Variants in KIF19 observed in about 807,000 individuals in gnomAD.
The protein encoded by KIF19 is kinesin-like protein KIF19.
In KIF19, 98 loss-of-function variants were observed where a neutral mutation model predicts 106.6. That is an observed-to-expected ratio of 0.92 (90% CI 0.78 to 1.09). The LOEUF is 1.09. KIF19 is among the 50% of genes least tolerant of loss of function. The probability of loss-of-function intolerance (pLI) is 0.00; values close to 1 mark genes in which losing one functional copy is unlikely to be tolerated. For missense variants in KIF19, 1,373 were observed against 1,414.3 expected (o/e 0.97, Z 0.47); for synonymous variants, 516 against 584.2 (o/e 0.88, Z 1.68).
rs374452365 is a variant in KIF19 at position 74,350,502 on chromosome 17, C to T, written c.1315C>T (p.Arg439Cys). 32 of 1,612,424 alleles carry T rather than the reference C, an allele frequency of 2.0e-5. No individual in the cohort carries two copies. Among genetic ancestry groups the T allele is most frequent in the East Asian group, 1.1e-4 (5 of 44,870 alleles). Residue 439 changes from arginine to cysteine, a missense_variant, in exon 11 of 20, where the codon CGC becomes TGC. Transcript: ENST00000389916. ...AFQEQMDVRR[R>C]LLELENRAME... ...CCAGGAGCAGATGGATGTGCGGAGG[C>T]GCCTGCTGGAGCTGGAGAACCGCGC...
intron 14 of KIF19, 142 bp from the exon 15 acceptor site, chr17:74,352,679 G>A: frequency 9.7e-7 from 1 of 1,031,326 alleles, no homozygotes; most frequent in Non-Finnish European, 1.4e-6. Context: ...TAACCCCGAG[G>A]ACCCAAACAC....
In KIF19 at chr17:74,340,545, A is replaced by ATG. The variant is rs1405769393; in HGVS notation, c.121-1330_121-1329dup. Among the ~76,000 whole-genome samples the ATG allele has an allele frequency of 6.6e-5, 8 of 120,886 alleles. No individual in the cohort carries two copies. In the East Asian group the frequency reaches 1.7e-3, roughly 26 times the overall value. The allele number at this position is 120,886 out of a possible 152,430, so 79.3% of individuals were successfully genotyped here. ...TGTCTCAACACACGTGCCAGCAGGTATGCGCGCGCGTACACACACACACAC... is the reference window on the plus strand; with the variant it reads ...TGTCTCAACACACGTGCCAGCAGGTATGTGCGCGCGCGTACACACACACACAC... On this transcript the variant is annotated intron_variant, in intron 2 of 19. Transcript: ENST00000389916.
At chr17:74,339,504 C>T (rs1244470844) in intron 2 of KIF19, among the ~76,000 whole-genome samples, 6 of 150,812 alleles carry the variant, frequency 4.0e-5, no homozygotes, top group African/African-American at 1.5e-4. Flanking sequence ...TCCCTACCTC[C>T]CTCGCCCCCT....
Position 74,349,336 on chromosome 17 carries a change from C to G in KIF19, c.1200C>G (p.Ile400Met). The G allele has an allele frequency of 6.2e-7, 1 of 1,602,030 alleles. No individual in the cohort carries two copies. The highest frequency in any genetic ancestry group is 8.5e-7 in the Non-Finnish European group (1 of 1,174,598). Residue 400 changes from isoleucine to methionine, a missense_variant, in exon 10 of 20, where the codon ATC becomes ATG. By Grantham distance (10) the Ile-to-Met change is conservative. Coordinates refer to ENST00000389916, the MANE Select transcript of KIF19 (RefSeq NM_153209.4). Reference sequence around the variant, plus strand: ...GGGGCCGGCAGGATCGGGGTGACATCCGCCACATCCAAGGTGCGCCTGTGG... The same window carrying G: ...GGGGCCGGCAGGATCGGGGTGACATGCGCCACATCCAAGGTGCGCCTGTGG... ...QARGRQDRGD[I>M]RHIQAEVQLH... is the part of the protein sequence containing the mutation.
intron 1 of KIF19, 54 bp downstream of exon 1, chr17:74,326,442 G>A (rs1016958529): frequency 1.9e-6 from 3 of 1,566,816 alleles, no homozygotes; most frequent in Admixed American, 1.7e-5. Flanking sequence ...TACTTCAGTC[G>A]GCCTCCAGCG....
chr17:74,343,408 A>T (rs979094306), intron 5 of KIF19, among the ~76,000 whole-genome samples: 5 of 152,098 alleles, frequency 3.3e-5, no homozygotes, highest in Admixed American at 1.3e-4. Context: ...TGCCACGCTC[A>T]CCACCTCACC....
intron 2 of KIF19, among the ~76,000 whole-genome samples, chr17:74,332,111 G>T (rs1175751455): frequency 2.0e-5 from 3 of 151,790 alleles, no homozygotes; most frequent in African/African-American, 7.3e-5. Context: ...ACAAAACCTG[G>T]CCCTTGAGCC....
chr17:74,336,520 C>T (rs2054223542), intron 2 of KIF19, among the ~76,000 whole-genome samples: 2 of 152,204 alleles, frequency 1.3e-5, no homozygotes, highest in Admixed American at 6.5e-5. Context: ...CAACTGATTA[C>T]ACCTGCAACA....
chr17:74,344,691 C>A (rs113296978), intron 6 of KIF19, 70 bp from the exon 7 acceptor site: 15 of 1,483,298 alleles, frequency 1.0e-5, no homozygotes, highest in Middle Eastern at 1.8e-4. Flanking sequence ...TGCTAGCCCC[C>A]TCAGGGGCTC....
chr17:74,336,882 G>T (rs1305934128), intron 2 of KIF19, among the ~76,000 whole-genome samples: 1 of 152,140 alleles, frequency 6.6e-6, no homozygotes, highest in Non-Finnish European at 1.5e-5. Context: ...CTGGAGTGTG[G>T]TGGCACAATC....
At chr17:74,332,205 TGTGTTTGTGTGTGTGTGTGTG>T (rs2054107830) in intron 2 of KIF19, among the ~76,000 whole-genome samples, 2 of 54,620 alleles carry the variant, frequency 3.7e-5, no homozygotes, top group Non-Finnish European at 6.6e-5. Flanking sequence ...TGTGTGTGTG[TGTGTTTGTGTGTGTGTGTGTG>T]TGTGTGTGTG....
chr17:74,333,255 G>A (rs980199225), intron 2 of KIF19, among the ~76,000 whole-genome samples: 3 of 152,094 alleles, frequency 2.0e-5, no homozygotes, highest in African/African-American at 7.2e-5. Context: ...ACCTGCCTGT[G>A]TCCCCAGCCC....
chr17:74,337,891 G>A (rs2054261392), intron 2 of KIF19, among the ~76,000 whole-genome samples: 1 of 152,232 alleles, frequency 6.6e-6, no homozygotes, highest in African/African-American at 2.4e-5. Context: ...GCTCCATTGT[G>A]TGCTAGAGGG....
rs896300602 is a variant in KIF19 at position 74,349,101 on chromosome 17, G to A, written c.1048-83G>A. 1.0e-5 allele frequency: 15 copies of A among 1,442,582 alleles called. No homozygotes were observed. In the East Asian group the frequency reaches 3.2e-4, roughly 31 times the overall value. 89.4% of individuals were successfully genotyped at this position (1,442,582 alleles called of 1,614,324 possible). On this transcript the variant is annotated intron_variant, in intron 9 of 19. Coordinates refer to ENST00000389916, the MANE Select transcript of KIF19 (RefSeq NM_153209.4). Reference sequence around the variant, plus strand: ...ACCCAGAAAGACTGGGGGAGGCAGGGGGAAGAAAGGCCCTGCAGGCAGGCC... The same window carrying A: ...ACCCAGAAAGACTGGGGGAGGCAGGAGGAAGAAAGGCCCTGCAGGCAGGCC...
At position 74,354,351 on chromosome 17, in the gene KIF19, C is replaced by A; in HGVS notation, c.2498C>A (p.Pro833His). 1 of 1,605,896 alleles carries A rather than the reference C, an allele frequency of 6.2e-7. No individual in the cohort carries two copies. Among genetic ancestry groups the A allele is most frequent in the African/African-American group, 1.3e-5 (1 of 74,890 alleles). ...GGCCCACTGGCCTGCAAGCGGCCGCCCAGCCCCACACTACAGCATGCTGCC... is the reference window on the plus strand; with the variant it reads ...GGCCCACTGGCCTGCAAGCGGCCGCACAGCCCCACACTACAGCATGCTGCC... ...PPGPLACKRP[P>H]SPTLQHAASE... The change falls in exon 18 of 20, where the codon CCC (proline) becomes CAC (histidine). Residue 833 changes from proline to histidine, a missense_variant. Physicochemically the swap from Pro to His is moderately conservative, Grantham distance 77. Coordinates refer to ENST00000389916, the MANE Select transcript of KIF19 (RefSeq NM_153209.4).
intron 2 of KIF19, among the ~76,000 whole-genome samples, chr17:74,330,506 C>T (rs1567895966): frequency 6.6e-6 from 1 of 152,226 alleles, no homozygotes; most frequent in Non-Finnish European, 1.5e-5. Context: ...GGCAAAGCCA[C>T]TCTGTTTGTC....
chr17:74,342,094 C>G (rs1052866185), intron 3 of KIF19, 108 bp downstream of exon 3: 2 of 750,364 alleles, frequency 2.7e-6, no homozygotes, highest in African/African-American at 3.5e-5. Context: ...GCCTCCACTC[C>G]ACCTGCTCAC....
rs757324545 is a variant in KIF19, at chr17:74,352,156, C to T, written c.1858+19C>T. ...ATCGACGGTAGGGCCCACGCCCCCG[C>T]GCATCTGAGCCACCCGCGGGGGGGC... On this transcript the variant is annotated intron_variant, in intron 13 of 19. Coordinates refer to ENST00000389916, the MANE Select transcript of KIF19 (RefSeq NM_153209.4). 5 of 1,583,062 alleles carry T rather than the reference C, an allele frequency of 3.2e-6. No individual in the cohort carries two copies. Among genetic ancestry groups the T allele is most frequent in the Admixed American group, 3.5e-5 (2 of 57,168 alleles).
In KIF19 at chr17:74,355,650, T is replaced by C. The variant is rs1470491940; in HGVS notation, c.*338T>C. ...AAAGCAGCTGACAGTGAGACGGGGC[T>C]CCTGGCCCACGTGTGGGGCACGGGC... is the stretch of plus-strand genomic sequence containing the variant. On this transcript the variant is annotated 3_prime_UTR_variant, in exon 20 of 20. Coordinates refer to ENST00000389916, the MANE Select transcript of KIF19 (RefSeq NM_153209.4). 9.3e-6 allele frequency: 2 copies of C among 215,794 alleles called. No individual in the cohort carries two copies. Among genetic ancestry groups the C allele is most frequent in the Non-Finnish European group, 1.8e-5 (2 of 109,596 alleles). The allele number at this position is 215,794 out of a possible 1,614,324, so 13.4% of individuals were successfully genotyped here. A position where few individuals can be genotyped will look rare whatever the true frequency, so the allele number is the denominator to read the frequency against.
Sources: allele counts gnomAD v4.1 joint callset (sites outside exome capture counted in the v4.1 genomes callset), GRCh38; gene constraint gnomAD v4.1.1; transcripts MANE v1.5; gene names NCBI Gene and HGNC (gene_info 2026-07-23, HGNC 2026-07-21).